The following SORCS2 variants were observed in gnomAD, a reference collection of about 807,000 sequenced individuals.
SORCS2 encodes sortilin related VPS10 domain containing receptor 2, also known as VPS10 domain-containing receptor SorCS2.
In SORCS2, 100 loss-of-function variants were observed where a neutral mutation model predicts 141.6. That is an observed-to-expected ratio of 0.71 (90% CI 0.60 to 0.83). The LOEUF (loss-of-function observed/expected upper bound fraction) is 0.83. Ranked by LOEUF, SORCS2 falls within the 40% of genes least tolerant of loss-of-function variation. The probability of loss-of-function intolerance (pLI) is 0.00; values close to 1 mark genes in which losing one functional copy is unlikely to be tolerated. For missense variants in SORCS2, 1,646 were observed against 1,560.2 expected (o/e 1.05, Z -0.93); for synonymous variants, 789 against 676.9 (o/e 1.17, Z -2.57).
chr4:7,503,789 C>G (rs553996457), intron 2 of SORCS2, among the ~76,000 whole-genome samples: 40 of 152,292 alleles, frequency 2.6e-4, no homozygotes, highest in Admixed American at 2.2e-3. Context: ...CAAAGGAGAC[C>G]GCTGGCCCCT....
At chr4:7,338,382 C>G (rs1287066704) in intron 1 of SORCS2, among the ~76,000 whole-genome samples, 1 of 131,220 alleles carries the variant, frequency 7.6e-6, no homozygotes, top group Admixed American at 7.5e-5. Flanking sequence ...GGATGGATGT[C>G]GGTTGGATGG....
chr4:7,354,567 G>A (rs1190149863), intron 1 of SORCS2, among the ~76,000 whole-genome samples: 5 of 152,252 alleles, frequency 3.3e-5, no homozygotes, highest in African/African-American at 1.2e-4. Flanking sequence ...CTGAGCTCGT[G>A]TCCTCTTTTG....
chr4:7,706,237 C>G (rs373772832), intron 14 of SORCS2, among the ~76,000 whole-genome samples: 3,088 of 12,596 alleles, frequency 0.25, 672 homozygotes, highest in Admixed American at 0.33. Context: ...GATGAGGCTG[C>G]GCTCCGCCTG....
intron 2 of SORCS2, chr4:7,433,862 CCAAGATGATG>C (rs1226116849): frequency 6.2e-7 from 1 of 1,613,926 alleles, no homozygotes; most frequent in Admixed American, 1.7e-5. Flanking sequence ...TAGGTGTCCA[CCAAGATGATG>C]CACTCCTTCG....
At chr4:7,414,172 A>G (rs1725509490) in intron 2 of SORCS2, among the ~76,000 whole-genome samples, 1 of 152,228 alleles carries the variant, frequency 6.6e-6, no homozygotes, top group Admixed American at 6.5e-5. Context: ...TCAACAATTC[A>G]GACTGCACAG....
chr4:7,729,707 G>A lies in SORCS2; in HGVS notation c.3103G>A (p.Asp1035Asn), dbSNP rs775192008. Residue 1035 changes from aspartate to asparagine, a missense_variant, in exon 23 of 27, where the codon GAT becomes AAT. Coordinates refer to ENST00000507866, the MANE Select transcript of SORCS2 (RefSeq NM_020777.3). ...CACAAGGAAGAGGAGCCTCTCGAGT[G>A]ATAAGGTATGTCCTGTGGCCGCTGC... is the stretch of plus-strand genomic sequence containing the variant. Reference protein sequence around the residue: ...RPTRKRSLSSDKRLAAIQQVL... With the variant: ...RPTRKRSLSSNKRLAAIQQVL... The A allele has an allele frequency of 2.5e-5, 41 of 1,610,984 alleles. No homozygotes were observed. Among genetic ancestry groups the A allele is most frequent in the Non-Finnish European group, 3.4e-5 (40 of 1,178,790 alleles).
Position 7,338,473 on chromosome 4 carries a change from C to T in SORCS2, c.481-57815C>T, listed in dbSNP as rs536561571. Among the ~76,000 whole-genome samples, 103 of 152,162 alleles carry T rather than the reference C, an allele frequency of 6.8e-4. 1 individual carries two copies. The highest frequency in any genetic ancestry group is 2.3e-3 in the African/African-American group (95 of 41,492). ...ATGGCCTGCCAGGCTGCCTACCCAC[C>T]GCCGAACAGAGCCCATAGATGAAGA... is the stretch of plus-strand genomic sequence containing the variant. On this transcript the variant is annotated intron_variant, in intron 1 of 26. Transcript: ENST00000507866.
At chr4:7,503,905 C>T (rs1361445572) in intron 2 of SORCS2, among the ~76,000 whole-genome samples, 1 of 152,168 alleles carries the variant, frequency 6.6e-6, no homozygotes, top group Non-Finnish European at 1.5e-5. Context: ...CGTCGGGGGG[C>T]TGAGGTTTTG....
intron 1 of SORCS2, among the ~76,000 whole-genome samples, chr4:7,249,093 A>G (rs949692893): frequency 2.0e-5 from 3 of 152,220 alleles, no homozygotes; most frequent in South Asian, 2.1e-4. Context: ...TAAAAGAATC[A>G]TATTCTATTA....
intron 1 of SORCS2, among the ~76,000 whole-genome samples, chr4:7,392,918 G>A (rs536580187): frequency 1.3e-5 from 2 of 150,994 alleles, no homozygotes; most frequent in Admixed American, 6.6e-5. Flanking sequence ...GGGGTGCTGC[G>A]AGAGAGTGGA....
rs144017007 is a variant in SORCS2 at position 7,703,598 on chromosome 4, G to A, written c.1760+227G>A. On this transcript the variant is annotated intron_variant, in intron 13 of 26. Coordinates refer to ENST00000507866, the MANE Select transcript of SORCS2 (RefSeq NM_020777.3). The stretch of plus-strand genomic sequence containing the variant: ...TTGCCATCGGGAGACAGGCACAGAG[G>A]GAGGCCCCACCCCAGCCTGGGGAGC... Among the ~76,000 whole-genome samples, 1,021 of 152,316 alleles carry A rather than the reference G, an allele frequency of 6.7e-3. 9 individuals are homozygous for A. Among genetic ancestry groups the A allele is most frequent in the African/African-American group, 0.023 (960 of 41,568 alleles).
In SORCS2 at chr4:7,325,143, G is replaced by T. The variant is rs1719167367; in HGVS notation, c.481-71145G>T. Among the ~76,000 whole-genome samples the T allele has an allele frequency of 3.3e-5, 5 of 152,180 alleles. No individual in the cohort carries two copies. The South Asian group carries it at 1.0e-3, about 32-fold the overall frequency. ...CCCCAGGCCCCCTTGGGTGGGGCGG[G>T]TGTTGGCCCCATCTGCAGATGAGGA... On this transcript the variant is annotated intron_variant, in intron 1 of 26. Transcript: ENST00000507866.
intron 1 of SORCS2, among the ~76,000 whole-genome samples, chr4:7,231,369 T>TAC (rs1711869946): frequency 6.6e-6 from 1 of 152,228 alleles, no homozygotes. Context: ...CTCATTCAAA[T>TAC]ACACCCCTGC....
At chr4:7,705,130 T>G (rs1379068609) in intron 14 of SORCS2, among the ~76,000 whole-genome samples, 1 of 152,194 alleles carries the variant, frequency 6.6e-6, no homozygotes, top group Non-Finnish European at 1.5e-5. Context: ...ATCCAATGAC[T>G]GTGTCCTTAC....
At chr4:7,270,123 C>G (rs924364294) in intron 1 of SORCS2, among the ~76,000 whole-genome samples, 3 of 152,238 alleles carry the variant, frequency 2.0e-5, no homozygotes, top group Non-Finnish European at 4.4e-5. Flanking sequence ...TCAAGTGATC[C>G]TCCCGCCTTG....
chr4:7,285,560 G>A (rs1716160697), intron 1 of SORCS2, among the ~76,000 whole-genome samples: 2 of 152,216 alleles, frequency 1.3e-5, no homozygotes, highest in Non-Finnish European at 2.9e-5. Flanking sequence ...GGAAGACATG[G>A]CCTCTGCCAG....
intron 1 of SORCS2, among the ~76,000 whole-genome samples, chr4:7,334,695 G>A (rs1458765687): frequency 6.6e-6 from 1 of 152,128 alleles, no homozygotes; most frequent in Non-Finnish European, 1.5e-5. Flanking sequence ...GCCTTCCTGT[G>A]GTCACCGACC....
Position 7,316,066 on chromosome 4 carries a change from C to A in SORCS2, c.481-80222C>A, listed in dbSNP as rs1718528308. 2.0e-5 allele frequency among the ~76,000 whole-genome samples: 3 copies of A among 152,238 alleles called. No individual in the cohort carries two copies. In the South Asian group the frequency reaches 6.2e-4, roughly 32 times the overall value. On this transcript the variant is annotated intron_variant, in intron 1 of 26. Transcript: ENST00000507866. ...TCCAGCTAGCTTTCCTTCCTTCCAT[C>A]CATCTGTGCATCTGTCCATCCATCT...
At chr4:7,242,916 G>A (rs537481302) in intron 1 of SORCS2, among the ~76,000 whole-genome samples, 8 of 152,320 alleles carry the variant, frequency 5.3e-5, no homozygotes, top group South Asian at 4.1e-4. Context: ...GCTCAGCACC[G>A]GGAAAACGCT....
Sources: gnomAD v4.1 joint callset for allele counts (sites outside exome capture counted in the v4.1 genomes callset) on GRCh38, gnomAD v4.1.1 for gene constraint, MANE v1.5 for transcripts, NCBI Gene and HGNC (gene_info 2026-07-23, HGNC 2026-07-21) for gene names.